Variants in RBFOX1 observed in about 807,000 individuals in gnomAD.
The protein encoded by RBFOX1 is RNA binding fox-1 homolog 1, also known as RNA binding protein fox-1 homolog 1.
RBFOX1 carries 8 observed loss-of-function variants against 57.7 expected under a neutral mutation model. That is an observed-to-expected ratio of 0.14 (90% CI 0.08 to 0.25). The LOEUF is 0.25. RBFOX1 is among the 10% of genes least tolerant of loss of function. RBFOX1 has a pLI of 1.00. For synonymous variants in RBFOX1, 326 were observed against 222.4 expected (o/e 1.47, Z -4.15); for missense variants, 611 against 548.5 (o/e 1.11, Z -1.14).
At chr16:5,911,186 G>C (rs553045323) in intron 4 of RBFOX1, among the ~76,000 whole-genome samples, 1 of 152,292 alleles carries the variant, frequency 6.6e-6, no homozygotes, top group Admixed American at 6.5e-5. Flanking sequence ...AAATCTTGCA[G>C]CCCATTTGGC....
At chr16:7,115,991 T>C (rs896820842) in intron 4 of RBFOX1, among the ~76,000 whole-genome samples, 19 of 152,288 alleles carry the variant, frequency 1.2e-4, no homozygotes, top group Middle Eastern at 3.4e-3. Context: ...AGCTCACATA[T>C]ATGGAGTAAC....
chr16:7,145,349 C>G (rs2074732735), intron 4 of RBFOX1, among the ~76,000 whole-genome samples: 1 of 152,106 alleles, frequency 6.6e-6, no homozygotes. Context: ...GGATTGCAGG[C>G]ATGCACCACC....
intron 4 of RBFOX1, among the ~76,000 whole-genome samples, chr16:7,240,965 C>T (rs1399812046): frequency 1.3e-5 from 2 of 152,224 alleles, no homozygotes; most frequent in Non-Finnish European, 2.9e-5. Flanking sequence ...GAACATTCTA[C>T]TTTTCCCCCA....
At chr16:5,966,306 T>C (rs1413421275) in intron 4 of RBFOX1, among the ~76,000 whole-genome samples, 1 of 152,162 alleles carries the variant, frequency 6.6e-6, no homozygotes, top group African/African-American at 2.4e-5. Context: ...TGGCTCATGG[T>C]TCTGCAGGCT....
intron 1 of RBFOX1, among the ~76,000 whole-genome samples, chr16:6,193,402 AT>A (rs1567651377): frequency 1.0e-5 from 1 of 97,444 alleles, no homozygotes; most frequent in African/African-American, 4.4e-5. Context: ...CTATATATAT[AT>A]ATATATATAT....
At chr16:6,939,734 A>G (rs2078024898) in intron 3 of RBFOX1, among the ~76,000 whole-genome samples, 1 of 151,314 alleles carries the variant, frequency 6.6e-6, no homozygotes. Flanking sequence ...CTGGTCTCAG[A>G]CTCCTGGCCT....
At chr16:6,771,832 C>T (rs2078347067) in intron 3 of RBFOX1, among the ~76,000 whole-genome samples, 3 of 152,138 alleles carry the variant, frequency 2.0e-5, no homozygotes, top group South Asian at 2.1e-4. Context: ...CTGAGAGTTC[C>T]TGATGGGGCA....
chr16:5,948,217 G>A lies in RBFOX1; in HGVS notation c.351+80882G>A, dbSNP rs533341777. On this transcript the variant is annotated intron_variant, in intron 4 of 19. Coordinates refer to the RBFOX1 transcript ENST00000641259. ...AGGAGACATCTCACATGTTAATTGC[G>A]CTGACCGAGCTGGGCAGGTGGGTGT... Among the ~76,000 whole-genome samples the A allele has an allele frequency of 9.9e-5, 15 of 152,260 alleles. No homozygotes were observed. The East Asian group carries it at 2.1e-3, about 22-fold the overall frequency.
At chr16:7,348,884 G>T (rs943925562) in intron 4 of RBFOX1, among the ~76,000 whole-genome samples, 1 of 152,140 alleles carries the variant, frequency 6.6e-6, no homozygotes, top group African/African-American at 2.4e-5. Context: ...GGAGGTTTCA[G>T]TGAGCCAAGA....
At position 7,581,726 on chromosome 16, in the gene RBFOX1, G is replaced by A. The variant is rs945306459; in HGVS notation, c.414+1806G>A. Among the ~76,000 whole-genome samples, 10 of 152,150 alleles carry A rather than the reference G, an allele frequency of 6.6e-5. No individual in the cohort carries two copies. The South Asian group carries it at 1.7e-3, about 25-fold the overall frequency. ...CAAATCTACTAGTTTCAGGGCTCTT[G>A]TTTTTAAAAAGACAAGTTCTCACTC... is the stretch of plus-strand genomic sequence containing the variant. On this transcript the variant is annotated intron_variant, in intron 6 of 15. Transcript: ENST00000550418.
chr16:5,879,641 T>G (rs75458364), intron 4 of RBFOX1, among the ~76,000 whole-genome samples: 3,078 of 152,300 alleles, frequency 0.02, 53 homozygotes, highest in Non-Finnish European at 0.031. Flanking sequence ...ATTTTCTTAT[T>G]TAGTTCATAC....
intron 2 of RBFOX1, among the ~76,000 whole-genome samples, chr16:6,523,313 G>C (rs1039202474): frequency 2.0e-5 from 3 of 152,240 alleles, no homozygotes; most frequent in African/African-American, 7.2e-5. Flanking sequence ...AGTTGATAAA[G>C]CTACTAGCCA....
At chr16:7,693,409 C>G (rs1232299403) in intron 14 of RBFOX1, 1 of 1,174,514 alleles carries the variant, frequency 8.5e-7, no homozygotes, top group Non-Finnish European at 1.2e-6. Flanking sequence ...ATCCAAGTCT[C>G]AGTATCCTTT....
intron 1 of RBFOX1, among the ~76,000 whole-genome samples, chr16:5,408,780 T>A (rs866845774): frequency 6.6e-6 from 1 of 152,194 alleles, no homozygotes; most frequent in Non-Finnish European, 1.5e-5. Flanking sequence ...GCACTTCCCA[T>A]GGCAAAAGCA....
chr16:7,175,367 A>G (rs1307583344), intron 4 of RBFOX1, among the ~76,000 whole-genome samples: 1 of 152,296 alleles, frequency 6.6e-6, no homozygotes, highest in South Asian at 2.1e-4. Flanking sequence ...GGAATCTTAC[A>G]TTACTACCTA....
intron 3 of RBFOX1, among the ~76,000 whole-genome samples, chr16:6,728,701 A>G (rs543169759): frequency 4.6e-5 from 7 of 152,280 alleles, no homozygotes; most frequent in South Asian, 4.1e-4. Context: ...ATGACAGTCA[A>G]TCAGAGGCAT....
At chr16:7,707,159 T>G (rs1201089236) in intron 14 of RBFOX1, among the ~76,000 whole-genome samples, 1 of 152,172 alleles carries the variant, frequency 6.6e-6, no homozygotes. Context: ...CTAGATTATT[T>G]GCACTCATCA....
At chr16:7,189,695 G>C (rs2084902580) in intron 4 of RBFOX1, among the ~76,000 whole-genome samples, 1 of 152,126 alleles carries the variant, frequency 6.6e-6, no homozygotes, top group African/African-American at 2.4e-5. Context: ...AGGTACCATA[G>C]GTTATAAATT....
At position 7,061,987 on chromosome 16, in the gene RBFOX1, C is replaced by G. The variant is rs1249281527; in HGVS notation, c.27+9889C>G. ...AGTAAGGAGCAAGAAACTCTCCTTT[C>G]CTGATGATGCAGACAAACCTGAGAT... On this transcript the variant is annotated intron_variant, in intron 4 of 15. Coordinates refer to ENST00000550418, the MANE Select transcript of RBFOX1 (RefSeq NM_018723.4). Among the ~76,000 whole-genome samples the G allele has an allele frequency of 3.9e-5, 6 of 152,204 alleles. No homozygotes were observed. In the East Asian group the frequency reaches 9.7e-4, roughly 25 times the overall value.
Sources: gnomAD v4.1 joint callset for allele counts (sites outside exome capture counted in the v4.1 genomes callset) on GRCh38, gnomAD v4.1.1 for gene constraint, MANE v1.5 for transcripts, NCBI Gene and HGNC (gene_info 2026-07-23, HGNC 2026-07-21) for gene names.